CDC42SE2: variants seen among roughly 807,000 people sequenced by gnomAD.
CDC42SE2 encodes the protein CDC42 small effector protein 2.
In CDC42SE2, 3 loss-of-function variants were observed where a neutral mutation model predicts 11.5. The ratio of observed to expected loss-of-function variants is 0.26; its 90% CI spans 0.12 to 0.67. The LOEUF (loss-of-function observed/expected upper bound fraction) is 0.67, where lower values mean the gene tolerates loss of function less well. Among genes scored for constraint, CDC42SE2 ranks in the 30% least tolerant of loss-of-function variants. The pLI is 0.80. For missense variants in CDC42SE2, 82 were observed against 106.8 expected (o/e 0.77, Z 1.02); for synonymous variants, 33 against 34.8 (o/e 0.95, Z 0.18).
At chr5:131,256,975 G>C (rs1421718599) in intron 2 of CDC42SE2, among the ~76,000 whole-genome samples, 2 of 152,180 alleles carry the variant, frequency 1.3e-5, no homozygotes, top group Non-Finnish European at 2.9e-5. Context: ...TTAGGACCCA[G>C]AGTACTGGGG....
At chr5:131,219,948 C>CA in the CDC42SE2 span, among the ~76,000 whole-genome samples, 2 of 151,758 alleles carry the variant, frequency 1.3e-5, no homozygotes, top group African/African-American at 4.8e-5. Flanking sequence ...AACAAACAAA[C>CA]AAAAAAAGTT....
intron 2 of CDC42SE2, among the ~76,000 whole-genome samples, chr5:131,353,127 A>G (rs915142296): frequency 1.3e-5 from 2 of 151,826 alleles, no homozygotes; most frequent in Non-Finnish European, 2.9e-5. Context: ...CACCACACCC[A>G]GCTAATTTTT....
intron 2 of CDC42SE2, among the ~76,000 whole-genome samples, chr5:131,339,667 C>T (rs770503783): frequency 2.9e-4 from 44 of 151,564 alleles, no homozygotes; most frequent in Non-Finnish European, 5.3e-4. Flanking sequence ...ATTAACTGGG[C>T]GTGGTGGTGG....
intron 2 of CDC42SE2, among the ~76,000 whole-genome samples, chr5:131,326,659 T>G: frequency 6.6e-6 from 1 of 152,216 alleles, no homozygotes; most frequent in East Asian, 1.9e-4. Flanking sequence ...GAGACTTTGT[T>G]TGATGTGGAT....
At chr5:131,304,192 C>A (rs764792779) in intron 1 of CDC42SE2, among the ~76,000 whole-genome samples, 3 of 151,962 alleles carry the variant, frequency 2.0e-5, no homozygotes, top group Non-Finnish European at 4.4e-5. Context: ...CTACATTGCC[C>A]AGGCTTGTCT....
intron 2 of CDC42SE2, among the ~76,000 whole-genome samples, chr5:131,342,393 T>TA (rs1414608984): frequency 7.0e-6 from 1 of 143,146 alleles, no homozygotes; most frequent in Non-Finnish European, 1.5e-5. Context: ...ATAGTCTTTT[T>TA]TTTTTTTTTT....
intron 1 of CDC42SE2, among the ~76,000 whole-genome samples, chr5:131,305,029 C>G (rs1274205974): frequency 6.6e-6 from 1 of 152,022 alleles, no homozygotes; most frequent in East Asian, 1.9e-4. Context: ...TTTTGCCCAC[C>G]CACCCACATT....
intron 1 of CDC42SE2, among the ~76,000 whole-genome samples, chr5:131,267,592 C>T (rs1214438887): frequency 6.6e-6 from 1 of 151,950 alleles, no homozygotes; most frequent in Non-Finnish European, 1.5e-5. Flanking sequence ...TTTCTTTTTC[C>T]TCAGATGTGA....
At chr5:131,334,192 A>G (rs1190831412) in intron 2 of CDC42SE2, among the ~76,000 whole-genome samples, 1 of 152,186 alleles carries the variant, frequency 6.6e-6, no homozygotes, top group Non-Finnish European at 1.5e-5. Flanking sequence ...GAATTTTGTC[A>G]AAGGTCTTTT....
chr5:131,236,837 A>G, the CDC42SE2 span, among the ~76,000 whole-genome samples: 1 of 152,240 alleles, frequency 6.6e-6, no homozygotes. Flanking sequence ...AAATTTCAAT[A>G]TATGTTACTA....
chr5:131,260,533 G>A (rs114893271), upstream of CDC42SE2, among the ~76,000 whole-genome samples: 172 of 149,966 alleles, frequency 1.1e-3, 1 homozygote, highest in African/African-American at 4.2e-3. Flanking sequence ...TGAAGGAGGA[G>A]AGAATCACTT....
chr5:131,302,942 T>G (rs946904088), intron 1 of CDC42SE2, among the ~76,000 whole-genome samples: 5 of 152,070 alleles, frequency 3.3e-5, no homozygotes, highest in African/African-American at 9.7e-5. Flanking sequence ...CTTCTGTAAC[T>G]CAACTACATC....
the CDC42SE2 span, among the ~76,000 whole-genome samples, chr5:131,219,690 G>A: frequency 0.075 from 11,432 of 152,158 alleles, 902 homozygotes; most frequent in African/African-American, 0.2. Context: ...TAATCCCAAC[G>A]CTTTGGGAGG....
chr5:131,310,965 T>A (rs1174467922), intron 1 of CDC42SE2, among the ~76,000 whole-genome samples: 1 of 151,550 alleles, frequency 6.6e-6, no homozygotes, highest in Non-Finnish European at 1.5e-5. Context: ...TTGTTATGTG[T>A]GAATTTGATC....
intron 2 of CDC42SE2, among the ~76,000 whole-genome samples, chr5:131,321,752 T>G (rs1758194843): frequency 6.6e-6 from 1 of 151,668 alleles, no homozygotes; most frequent in South Asian, 2.1e-4. Context: ...TCGTACTGGG[T>G]AAAAGGAAAA....
At chr5:131,245,696 A>T (rs1019132053) in intron 1 of CDC42SE2, 1 of 152,232 alleles carries the variant, frequency 6.6e-6, no homozygotes, top group African/African-American at 2.4e-5. Flanking sequence ...CCAGTGTCAG[A>T]TGAATTTTCT....
At chr5:131,343,989 T>A (rs573747286) in intron 2 of CDC42SE2, among the ~76,000 whole-genome samples, 41 of 152,332 alleles carry the variant, frequency 2.7e-4, no homozygotes, top group African/African-American at 9.9e-4. Context: ...ATTTTTTATG[T>A]TAAATACTTC....
At chr5:131,300,100 A>G (rs887693358) in intron 1 of CDC42SE2, among the ~76,000 whole-genome samples, 18 of 152,192 alleles carry the variant, frequency 1.2e-4, no homozygotes, top group Admixed American at 1.0e-3. Flanking sequence ...GAACTAGAAT[A>G]TTAATCCCAT....
At chr5:131,307,733 T>C (rs1228962851) in intron 1 of CDC42SE2, among the ~76,000 whole-genome samples, 2 of 152,172 alleles carry the variant, frequency 1.3e-5, no homozygotes, top group Non-Finnish European at 2.9e-5. Context: ...CACCTGTTGT[T>C]TCCTGACTTT....
Sources: gnomAD v4.1 joint callset for allele counts (sites outside exome capture counted in the v4.1 genomes callset) on GRCh38, gnomAD v4.1.1 for gene constraint, MANE v1.5 for transcripts, NCBI Gene and HGNC (gene_info 2026-07-23, HGNC 2026-07-21) for gene names.